MUSK: variants seen among roughly 807,000 people sequenced by gnomAD.
MUSK encodes muscle associated receptor tyrosine kinase.
A neutral mutation model predicts 88.7 loss-of-function variants in MUSK; 55 were observed. The observed-to-expected ratio is 0.62, with a 90% CI of 0.50 to 0.78. MUSK has a LOEUF of 0.78. Among genes scored for constraint, MUSK ranks in the 30% least tolerant of loss-of-function variants. The pLI, the probability that MUSK is intolerant of heterozygous loss-of-function variation, is 0.00. For synonymous variants in MUSK, 387 were observed against 391.9 expected (o/e 0.99, Z 0.15); for missense variants, 1,015 against 1,074.3 (o/e 0.94, Z 0.77).
chr9:110,802,739 G>T lies in MUSK; in HGVS notation c.*1751G>T, dbSNP rs537486481. Among the ~76,000 whole-genome samples the T allele has an allele frequency of 6.6e-5, 10 of 152,164 alleles. No homozygotes were observed. The highest frequency in any genetic ancestry group is 2.4e-4 in the African/African-American group (10 of 41,530). ...CTCAACCTCTACCGTTGCCCACCCTGTCTATTAGCTGGCCTTCCTCTCATT... is the reference window on the plus strand; with the variant it reads ...CTCAACCTCTACCGTTGCCCACCCTTTCTATTAGCTGGCCTTCCTCTCATT... On this transcript the variant is annotated 3_prime_UTR_variant, in exon 15 of 15. Transcript: ENST00000374448.
At chr9:110,697,908 GA>G (rs138315579) in intron 5 of MUSK, among the ~76,000 whole-genome samples, 11 of 148,432 alleles carry the variant, frequency 7.4e-5, no homozygotes, top group Admixed American at 2.7e-4. Context: ...CACAAAGCTT[GA>G]AAAAAAAAAC....
chr9:110,804,249 T>C lies in MUSK; in HGVS notation c.*3261T>C, dbSNP rs531367825. Among the ~76,000 whole-genome samples, 20 of 152,322 alleles carry C rather than the reference T, an allele frequency of 1.3e-4. No individual in the cohort carries two copies. Among genetic ancestry groups the C allele is most frequent in the African/African-American group, 4.6e-4 (19 of 41,588 alleles). On this transcript the variant is annotated 3_prime_UTR_variant, in exon 15 of 15. Transcript: ENST00000374448. Reference sequence around the variant, plus strand: ...TGTAATTAACATCCTTATTTGTTCATGTCCACATTTCTTTTTATGAAAATT... The same window carrying C: ...TGTAATTAACATCCTTATTTGTTCACGTCCACATTTCTTTTTATGAAAATT...
At chr9:110,689,192 AT>A (rs201376231) in intron 3 of MUSK, among the ~76,000 whole-genome samples, 76,817 of 118,328 alleles carry the variant, frequency 0.65, 26,073 homozygotes, top group African/African-American at 0.84. Context: ...TAAATATATC[AT>A]ATATATATTC....
At position 110,787,733 on chromosome 9, in the gene MUSK, G is replaced by A; in HGVS notation, c.1822G>A (p.Val608Ile). The change falls in exon 14 of 15, where the codon GTA becomes ATA. Residue 608 changes from valine to isoleucine, a missense_variant. Coordinates refer to ENST00000374448, the MANE Select transcript of MUSK (RefSeq NM_005592.4). ...LPYEPFTMVA[V>I]KMLKEEASAD... The stretch of plus-strand genomic sequence containing the variant: ...CTATGAACCTTTCACTATGGTGGCA[G>A]TAAAGATGCTCAAAGAAGAAGCCTC... 6.2e-7 allele frequency: 1 copy of A among 1,613,962 alleles called. No individual in the cohort carries two copies. The highest frequency in any genetic ancestry group is 8.5e-7 in the Non-Finnish European group (1 of 1,179,852).
At chr9:110,711,347 G>T (rs549627580) in intron 5 of MUSK, among the ~76,000 whole-genome samples, 1 of 152,202 alleles carries the variant, frequency 6.6e-6, no homozygotes, top group Admixed American at 6.5e-5. Flanking sequence ...GCCTGCACAT[G>T]ATCTGTCCCT....
At chr9:110,703,929 C>T (rs1240262311) in intron 5 of MUSK, among the ~76,000 whole-genome samples, 1 of 152,132 alleles carries the variant, frequency 6.6e-6, no homozygotes, top group Non-Finnish European at 1.5e-5. Flanking sequence ...ATAAGCATTT[C>T]ACACCCAGTC....
intron 5 of MUSK, among the ~76,000 whole-genome samples, chr9:110,698,022 C>G (rs1193472584): frequency 6.6e-6 from 1 of 151,980 alleles, no homozygotes; most frequent in East Asian, 1.9e-4. Flanking sequence ...TCAGCTAATT[C>G]AATAACTTGG....
chr9:110,757,468 A>AG (rs1207764340), intron 7 of MUSK, among the ~76,000 whole-genome samples: 3 of 151,712 alleles, frequency 2.0e-5, no homozygotes, highest in South Asian at 4.2e-4. Context: ...TGAAAAAAAA[A>AG]AAAAAGAAAA....
chr9:110,690,823 T>G (rs2076343306), intron 3 of MUSK, among the ~76,000 whole-genome samples: 1 of 123,750 alleles, frequency 8.1e-6, no homozygotes, highest in Admixed American at 9.8e-5. Context: ...TAAGTATATA[T>G]ATAAATATAT....
chr9:110,699,738 C>T (rs1029365352), intron 5 of MUSK, among the ~76,000 whole-genome samples: 2 of 152,056 alleles, frequency 1.3e-5, no homozygotes, highest in African/African-American at 2.4e-5. Context: ...GGGCCATCGT[C>T]AGTTGGGGCA....
chr9:110,734,170 C>T, intron 5 of MUSK, 81 bp from the exon 6 acceptor site: 1 of 1,461,560 alleles, frequency 6.8e-7, no homozygotes, highest in Non-Finnish European at 9.3e-7. Flanking sequence ...GGAACATGGT[C>T]TAATTTGCAT....
intron 5 of MUSK, among the ~76,000 whole-genome samples, chr9:110,727,959 T>G (rs1338676743): frequency 6.6e-6 from 1 of 152,104 alleles, no homozygotes; most frequent in Non-Finnish European, 1.5e-5. Context: ...TCTGACATGG[T>G]TATATTAAAC....
chr9:110,772,715 TTG>T (rs1290559436), intron 9 of MUSK, among the ~76,000 whole-genome samples: 3 of 152,116 alleles, frequency 2.0e-5, no homozygotes, highest in Admixed American at 1.3e-4. Context: ...ATTTTCACAA[TTG>T]TGTTTCCAAG....
At chr9:110,784,726 C>A in intron 11 of MUSK, 89 bp from the exon 12 acceptor site, 2 of 990,014 alleles carry the variant, frequency 2.0e-6, no homozygotes, top group South Asian at 1.8e-5. Context: ...ATATTATTAT[C>A]ATGAAATTTA....
chr9:110,787,750 A>C lies in MUSK; in HGVS notation c.1839A>C (p.Glu613Asp). Residue 613 changes from glutamate (E) to aspartate (D), a missense_variant, in exon 14 of 15, where the codon GAA (glutamate) becomes GAC (aspartate). By Grantham distance (45) the Glu-to-Asp change is conservative. Coordinates refer to ENST00000374448, the MANE Select transcript of MUSK (RefSeq NM_005592.4). ...TGGTGGCAGTAAAGATGCTCAAAGA[A>C]GAAGCCTCGGCAGATATGCAAGCGG... ...FTMVAVKMLK[E>D]EASADMQADF... 1 of 1,613,970 alleles carries C rather than the reference A, an allele frequency of 6.2e-7. No individual in the cohort carries two copies. The highest frequency in any genetic ancestry group is 8.5e-7 in the Non-Finnish European group (1 of 1,179,870).
rs1489453069 is a variant in MUSK at position 110,668,928 on chromosome 9, A to G, written c.24A>G (p.Pro8=). Residue 8 remains proline (P), a synonymous_variant, in exon 1 of 15, where the codon CCA becomes CCG. Coordinates refer to ENST00000374448, the MANE Select transcript of MUSK (RefSeq NM_005592.4). MRELVNI[P]LVHILTLVAF... ...TCATGAGAGAGCTCGTCAACATTCC[A>G]CTGGTACATATTCTTACTCTGGTTG... 3 of 1,613,672 alleles carry G rather than the reference A, an allele frequency of 1.9e-6. No homozygotes were observed. The highest frequency in any genetic ancestry group is 2.5e-6 in the Non-Finnish European group (3 of 1,179,734).
chr9:110,802,262 G>A lies in MUSK; in HGVS notation c.*1274G>A, dbSNP rs2078107082. The stretch of plus-strand genomic sequence containing the variant: ...AGCAGCTCTGGAACTCAGATTCCTG[G>A]GGGTTCAGATTTTTTCTCAGTGGAT... On this transcript the variant is annotated 3_prime_UTR_variant, in exon 15 of 15. Transcript: ENST00000374448. 6.6e-6 allele frequency among the ~76,000 whole-genome samples: 1 copy of A among 151,892 alleles called. No individual in the cohort carries two copies. The highest frequency in any genetic ancestry group is 2.1e-4 in the South Asian group (1 of 4,790).
chr9:110,741,690 G>A (rs766963610), intron 6 of MUSK, among the ~76,000 whole-genome samples: 18 of 151,948 alleles, frequency 1.2e-4, no homozygotes, highest in Admixed American at 3.3e-4. Flanking sequence ...CATTTTTTTC[G>A]TAATTTGTTA....
At chr9:110,781,776 G>A (rs59685267) in intron 11 of MUSK, among the ~76,000 whole-genome samples, 5,179 of 152,220 alleles carry the variant, frequency 0.034, 307 homozygotes, top group African/African-American at 0.12. Context: ...CAGAACGGGC[G>A]AGGGAGCTTT....
Sources: gnomAD v4.1 joint callset for allele counts (sites outside exome capture counted in the v4.1 genomes callset) on GRCh38, gnomAD v4.1.1 for gene constraint, MANE v1.5 for transcripts, NCBI Gene and HGNC (gene_info 2026-07-23, HGNC 2026-07-21) for gene names.